FLNC: variants seen among roughly 807,000 people sequenced by gnomAD.
FLNC encodes the protein filamin-C.
FLNC carries 91 observed loss-of-function variants against 254.3 expected under a neutral mutation model. That is an observed-to-expected ratio of 0.36 (90% CI 0.30 to 0.43). FLNC has a LOEUF of 0.43. FLNC is among the 20% of genes least tolerant of loss of function. The pLI is 1.00. For synonymous variants in FLNC, 1,430 were observed against 1,577.2 expected, an observed-to-expected ratio of 0.91 and a Z score of 2.21; for missense variants, 2,853 against 3,802.6, an observed-to-expected ratio of 0.75 and a Z score of 6.57.
At chr7:128,855,803 G>A (rs1809030350) in intron 43 of FLNC, among the ~76,000 whole-genome samples, 1 of 152,202 alleles carries the variant, frequency 6.6e-6, no homozygotes, top group African/African-American at 2.4e-5. Flanking sequence ...GATGTGGTGT[G>A]TTCCTTTCAT....
At position 128,844,613 on chromosome 7, in the gene FLNC, G is replaced by A. The variant is rs368858601; in HGVS notation, c.3193-45G>A. ...GGGTGGGGGCCATGAAGGCTGGGATGAGGAGGCCAGGTGCAGGGAACCCAC... is the reference window on the plus strand; with the variant it reads ...GGGTGGGGGCCATGAAGGCTGGGATAAGGAGGCCAGGTGCAGGGAACCCAC... On this transcript the variant is annotated intron_variant, in intron 20 of 47. Coordinates refer to ENST00000325888, the MANE Select transcript of FLNC (RefSeq NM_001458.5). 1.0e-5 allele frequency: 16 copies of A among 1,556,324 alleles called. No individual in the cohort carries two copies. The African/African-American group carries it at 1.8e-4, about 17-fold the overall frequency.
chr7:128,842,186 C>G lies in FLNC; in HGVS notation c.2122-45C>G. 1 of 1,607,606 alleles carries G rather than the reference C, an allele frequency of 6.2e-7. No individual in the cohort carries two copies. The highest frequency in any genetic ancestry group is 8.5e-7 in the Non-Finnish European group (1 of 1,176,762). On this transcript the variant is annotated intron_variant, in intron 13 of 47. Transcript: ENST00000325888. This position sits in a 1 kb window ranked among gnomAD's most constrained non-coding sequence, Gnocchi z 5.4. ...TCACCTGCGGCCAGCAGAGGGCGCT[C>G]TGCAGAGGCCACAGCTATGAACTTT...
chr7:128,851,715 C>A, intron 35 of FLNC, 87 bp downstream of exon 35: 3 of 1,399,714 alleles, frequency 2.1e-6, no homozygotes, highest in South Asian at 2.3e-5. Flanking sequence ...CCGTTCAAGT[C>A]ACTCGTGACA....
Position 128,843,923 on chromosome 7 carries a change from G to A in FLNC, c.2929+10G>A, listed in dbSNP as rs747678158. The A allele has an allele frequency of 2.0e-5, 32 of 1,613,964 alleles. No homozygotes were observed. The highest frequency in any genetic ancestry group is 2.6e-5 in the Non-Finnish European group (31 of 1,179,980). On this transcript the variant is annotated intron_variant, in intron 19 of 47. Coordinates refer to ENST00000325888, the MANE Select transcript of FLNC (RefSeq NM_001458.5). ...CAGGGCCTTAATAGCAGTAAGTGGG[G>A]CAAGAGCCACCCTGGGAGTGAGGGG...
At position 128,853,775 on chromosome 7, in the gene FLNC, G is replaced by T. The variant is rs769106207; in HGVS notation, c.6422G>T (p.Arg2141Leu). The T allele has an allele frequency of 6.2e-7, 1 of 1,613,404 alleles. No homozygotes were observed. Among genetic ancestry groups the T allele is most frequent in the Non-Finnish European group, 8.5e-7 (1 of 1,179,930 alleles). ...CGCATGAAGGAGAGCATCACCCGGC[G>T]GAGACAGGCACCTTCCATCGCCACC... ...EGRMKESITRRRQAPSIATIG... is the reference protein window; with the variant it reads ...EGRMKESITRLRQAPSIATIG... The change falls in exon 39 of 48, where the codon CGG becomes CTG. Residue 2141 changes from arginine to leucine, a missense_variant. Coordinates refer to ENST00000325888, the MANE Select transcript of FLNC (RefSeq NM_001458.5).
chr7:128,838,097 C>T (rs755013355), intron 6 of FLNC, 33 bp downstream of exon 6: 12 of 1,581,554 alleles, frequency 7.6e-6, no homozygotes, highest in Non-Finnish European at 1.0e-5. Flanking sequence ...GCCTGCGCTG[C>T]TCTTCACATC....
At position 128,857,181 on chromosome 7, in the gene FLNC, T is replaced by C. The variant is rs1443480165; in HGVS notation, c.7625T>C (p.Ile2542Thr). ...GGCTCGGGGGCCTTGTCTGTCACCATTGATGGCCCCTCCAAGGTGCAGCTG... is the reference window on the plus strand; with the variant it reads ...GGCTCGGGGGCCTTGTCTGTCACCACTGATGGCCCCTCCAAGGTGCAGCTG... ...NAGSGALSVT[I>T]DGPSKVQLDC... Residue 2542 changes from isoleucine (I) to threonine (T), a missense_variant, in exon 46 of 48, where the codon ATT becomes ACT. By Grantham distance (89) the Ile-to-Thr change is moderately conservative. Around this residue, in one of 10 missense-constraint regions of FLNC, gnomAD observed 197 missense variants for 351.5 expected, o/e 0.56. Coordinates refer to ENST00000325888, the MANE Select transcript of FLNC (RefSeq NM_001458.5). This position sits in a 1 kb window ranked among gnomAD's most constrained non-coding sequence, Gnocchi z 4.5. 1 of 1,614,144 alleles carries C rather than the reference T, an allele frequency of 6.2e-7. No individual in the cohort carries two copies. Among genetic ancestry groups the C allele is most frequent in the East Asian group, 2.2e-5 (1 of 44,882 alleles).
chr7:128,847,816 A>G lies in FLNC; in HGVS notation c.4408A>G (p.Ser1470Gly). Residue 1470 changes from serine to glycine, a missense_variant, in exon 25 of 48, where the codon AGT (serine) becomes GGT (glycine). Ser to Gly is a moderately conservative substitution (Grantham distance 56). This residue lies in a region of FLNC where 1,573 missense variants were observed against 1,883.5 expected (regional missense o/e 0.84). Transcript: ENST00000325888. ...RVPQTFTVDC[S>G]QAGRAPLQVA... ...TCCTCAGACCTTCACAGTGGATTGC[A>G]GTCAAGCTGGCCGGGCGCCCCTGCA... is the stretch of plus-strand genomic sequence containing the variant. The G allele has an allele frequency of 6.2e-7, 1 of 1,613,730 alleles. No homozygotes were observed. Among genetic ancestry groups the G allele is most frequent in the East Asian group, 2.2e-5 (1 of 44,870 alleles).
chr7:128,848,153 C>A, intron 26 of FLNC, 85 bp downstream of exon 26: 4 of 1,482,040 alleles, frequency 2.7e-6, no homozygotes, highest in Non-Finnish European at 2.8e-6. Flanking sequence ...CTGCTGGAGT[C>A]CCCTGGGAGA....
chr7:128,853,032 G>A lies in FLNC; in HGVS notation c.6208+1G>A. The stretch of plus-strand genomic sequence containing the variant: ...TTCATCGTGGACACTCGCAATGCAG[G>A]TACCTCCTGCCCCAGAGAGCCCCCA... On this transcript the variant is annotated splice_donor_variant, in intron 37 of 47. Transcript: ENST00000325888. LOFTEE classifies it high-confidence loss of function. The A allele has an allele frequency of 6.2e-7, 1 of 1,612,840 alleles. No homozygotes were observed. Among genetic ancestry groups the A allele is most frequent in the Non-Finnish European group, 8.5e-7 (1 of 1,179,862 alleles).
chr7:128,846,807 G>T lies in FLNC; in HGVS notation c.4190G>T (p.Cys1397Phe). 6.2e-7 allele frequency: 1 copy of T among 1,614,120 alleles called. No homozygotes were observed. Among genetic ancestry groups the T allele is most frequent in the Non-Finnish European group, 8.5e-7 (1 of 1,179,924 alleles). ...IEGPSEAKMS[C>F]KDNKDGSCTV... ...GGTCCCTCGGAAGCCAAGATGTCCTGCAAGGACAACAAGGATGGTAGCTGC... is the reference window on the plus strand; with the variant it reads ...GGTCCCTCGGAAGCCAAGATGTCCTTCAAGGACAACAAGGATGGTAGCTGC... The change falls in exon 24 of 48, where the codon TGC becomes TTC. Residue 1397 changes from cysteine to phenylalanine, a missense_variant. This residue lies in a region of FLNC where 1,573 missense variants were observed against 1,883.5 expected (regional missense o/e 0.84). Transcript: ENST00000325888.
rs372504725 is a variant in FLNC at position 128,857,156 on chromosome 7, G to T, written c.7600G>T (p.Gly2534Cys). 3.1e-6 allele frequency: 5 copies of T among 1,614,080 alleles called. No homozygotes were observed. The highest frequency in any genetic ancestry group is 4.2e-6 in the Non-Finnish European group (5 of 1,180,014). Residue 2534 changes from glycine (G) to cysteine (C), a missense_variant, in exon 46 of 48, where the codon GGC (glycine) becomes TGC (cysteine). Physicochemically the swap from Gly to Cys is radical, Grantham distance 159. This residue lies in a region of FLNC where 197 missense variants were observed against 351.5 expected (regional missense o/e 0.56). Transcript: ENST00000325888. The surrounding 1 kb of genome is among the most constrained non-coding windows in gnomAD (Gnocchi z 4.5). ...SEFIVNTLNAGSGALSVTIDG... is the reference protein window; with the variant it reads ...SEFIVNTLNACSGALSVTIDG... ...GTTCATCGTGAACACCCTGAATGCC[G>T]GCTCGGGGGCCTTGTCTGTCACCAT...
In FLNC at chr7:128,858,576, T is replaced by TACATAC. The variant is rs1809172604; in HGVS notation, c.*56_*57insTACACA. On this transcript the variant is annotated 3_prime_UTR_variant, in exon 48 of 48. Transcript: ENST00000325888. The surrounding 1 kb of genome is among the most constrained non-coding windows in gnomAD (Gnocchi z 6.7). ...CCCCCACCTCCAGCCACACACACAT[T>TACATAC]ACACACACACACACACACACACAAA... The TACATAC allele has an allele frequency of 1.2e-6, 1 of 828,390 alleles. No individual in the cohort carries two copies. Among genetic ancestry groups the TACATAC allele is most frequent in the African/African-American group, 1.7e-5 (1 of 57,736 alleles). The allele number at this position is 828,390 out of a possible 1,614,324, so 51.3% of individuals were successfully genotyped here. A position where few individuals can be genotyped will look rare whatever the true frequency, so the allele number is the denominator to read the frequency against.
intron 2 of FLNC, 36 bp from the exon 3 acceptor site, chr7:128,837,124 G>A (rs1388044854): frequency 7.0e-7 from 1 of 1,434,554 alleles, no homozygotes; most frequent in South Asian, 1.2e-5. Context: ...CCGGCTGGCT[G>A]CCCCTCACCA....
chr7:128,849,958 C>G lies in FLNC; in HGVS notation c.5200-18C>G. 6.4e-7 allele frequency: 1 copy of G among 1,557,262 alleles called. No homozygotes were observed. Among genetic ancestry groups the G allele is most frequent in the Non-Finnish European group, 8.7e-7 (1 of 1,145,144 alleles). On this transcript the variant is annotated intron_variant, in intron 30 of 47. Coordinates refer to ENST00000325888, the MANE Select transcript of FLNC (RefSeq NM_001458.5). The stretch of plus-strand genomic sequence containing the variant: ...GTGAGGCTGCCACACCCTGTGCCCC[C>G]GTGCCTTGCCTCCCCAGGCGTGTGA...
In FLNC at chr7:128,840,888, G is replaced by A; in HGVS notation, c.1731G>A (p.Trp577Ter). The change falls in exon 11 of 48, where the codon TGG (tryptophan) becomes TGA (stop). Residue 577 changes from tryptophan to a stop codon, truncating the protein, a stop_gained. Transcript: ENST00000325888. LOFTEE classifies it high-confidence loss of function. Reference protein sequence around the residue: ...PEAGVQKVRAWGPGLETGQVG... With the variant: ...PEAGVQKVRA ...CAGGAGTGCAAAAGGTCCGGGCCTG[G>A]GGTCCTGGTTTGGAGACTGGCCAGG... 1 of 1,613,900 alleles carries A rather than the reference G, an allele frequency of 6.2e-7. No individual in the cohort carries two copies. Among genetic ancestry groups the A allele is most frequent in the Non-Finnish European group, 8.5e-7 (1 of 1,179,946 alleles).
At chr7:128,851,042 C>A (rs943534614) in intron 33 of FLNC, 99 bp downstream of exon 33, 1 of 1,542,382 alleles carries the variant, frequency 6.5e-7, no homozygotes, top group Non-Finnish European at 8.9e-7. Flanking sequence ...ATTGAGCACC[C>A]GCTGTGTGCA....
Position 128,843,450 on chromosome 7 carries a change from A to G in FLNC, c.2684A>G (p.Lys895Arg). Reference sequence around the variant, plus strand: ...CCCACCCACTTCACGGTGCTGACCAAGGGAGCCGGCAAGGCCAAGCTGGAT... The same window carrying G: ...CCCACCCACTTCACGGTGCTGACCAGGGGAGCCGGCAAGGCCAAGCTGGAT... ...GKPTHFTVLT[K>R]GAGKAKLDVQ... The change falls in exon 18 of 48, where the codon AAG becomes AGG. Residue 895 changes from lysine to arginine, a missense_variant. Physicochemically the swap from Lys to Arg is conservative, Grantham distance 26. This residue lies in a region of FLNC where 1,573 missense variants were observed against 1,883.5 expected (regional missense o/e 0.84). Transcript: ENST00000325888. The G allele has an allele frequency of 6.2e-7, 1 of 1,614,138 alleles. No homozygotes were observed. The highest frequency in any genetic ancestry group is 2.2e-5 in the East Asian group (1 of 44,892).
chr7:128,840,142 G>A lies in FLNC; in HGVS notation c.1531G>A (p.Val511Ile). The A allele has an allele frequency of 6.2e-7, 1 of 1,613,988 alleles. No homozygotes were observed. The highest frequency in any genetic ancestry group is 8.5e-7 in the Non-Finnish European group (1 of 1,180,040). The part of the protein sequence containing the change: ...TKGAGSGELK[V>I]TVKGPKGTEE... Reference sequence around the variant, plus strand: ...GGGTGCCGGCAGCGGGGAGCTCAAGGTCACGGTCAAGGGGCCAAGTGAGTG... The same window carrying A: ...GGGTGCCGGCAGCGGGGAGCTCAAGATCACGGTCAAGGGGCCAAGTGAGTG... The change falls in exon 9 of 48, where the codon GTC becomes ATC. Residue 511 changes from valine (V) to isoleucine (I), a missense_variant. Val to Ile is a conservative substitution (Grantham distance 29). Coordinates refer to ENST00000325888, the MANE Select transcript of FLNC (RefSeq NM_001458.5).
Sources: allele counts gnomAD v4.1 joint callset (sites outside exome capture counted in the v4.1 genomes callset), GRCh38; gene constraint gnomAD v4.1.1; regional missense constraint gnomAD v4.1.1; non-coding constraint Gnocchi (gnomAD v3.1); transcripts MANE v1.5; gene names NCBI Gene and HGNC (gene_info 2026-07-23, HGNC 2026-07-21).